The following WASF3 variants were observed in gnomAD, a reference collection of about 807,000 sequenced individuals.
WASF3 encodes the protein WASP family member 3, also known as actin-binding protein WASF3.
Under a neutral mutation model 46.6 loss-of-function variants are expected in WASF3, and 11 were observed. The ratio of observed to expected loss-of-function variants is 0.24; its 90% CI spans 0.15 to 0.39. The LOEUF is 0.39. WASF3 is among the 10% of genes least tolerant of loss of function. The pLI, the probability that WASF3 is intolerant of heterozygous loss-of-function variation, is 1.00. For missense variants in WASF3, 576 were observed against 669.8 expected, an observed-to-expected ratio of 0.86 and a Z score of 1.55; for synonymous variants, 242 against 259.7, an observed-to-expected ratio of 0.93 and a Z score of 0.65.
At chr13:26,545,452 T>A in the WASF3 span, among the ~76,000 whole-genome samples, 4 of 152,226 alleles carry the variant, frequency 2.6e-5, no homozygotes, top group African/African-American at 9.6e-5. Flanking sequence ...TTTATATTTT[T>A]AATTTTGATT....
chr13:26,625,693 C>T (rs991126025), intron 2 of WASF3, among the ~76,000 whole-genome samples: 1 of 152,192 alleles, frequency 6.6e-6, no homozygotes, highest in African/African-American at 2.4e-5. Context: ...AGCACCCTCT[C>T]ACAGACTCAC....
chr13:26,588,198 G>A (rs9553868), intron 1 of WASF3, among the ~76,000 whole-genome samples: 15,288 of 152,176 alleles, frequency 0.1, 1,148 homozygotes, highest in East Asian at 0.32. Flanking sequence ...AGGAAGGTTA[G>A]GAAAAACAAG....
chr13:26,634,238 G>A (rs560457765), intron 2 of WASF3, among the ~76,000 whole-genome samples: 43 of 152,330 alleles, frequency 2.8e-4, no homozygotes, highest in Admixed American at 5.2e-4. Flanking sequence ...TTACCATTAT[G>A]TAATGGCCTT....
In WASF3 at chr13:26,673,171, T is replaced by C. The variant is rs190154087; in HGVS notation, c.540+1182T>C. 7.9e-4 allele frequency among the ~76,000 whole-genome samples: 121 copies of C among 152,350 alleles called. 1 individual carries two copies. Among genetic ancestry groups the C allele is most frequent in the African/African-American group, 2.8e-3 (117 of 41,586 alleles). On this transcript the variant is annotated intron_variant, in intron 6 of 9. Transcript: ENST00000335327. ...GGCTTACCTGCCTTTAAAATGTGCCTGTTTTTTTAAAAGGCCTTCTAGGTT... is the reference window on the plus strand; with the variant it reads ...GGCTTACCTGCCTTTAAAATGTGCCCGTTTTTTTAAAAGGCCTTCTAGGTT...
chr13:26,546,278 G>T, the WASF3 span, among the ~76,000 whole-genome samples: 2 of 152,316 alleles, frequency 1.3e-5, no homozygotes, highest in African/African-American at 4.8e-5. Flanking sequence ...ATAAAAGCAG[G>T]TGTTAATAGT....
intron 1 of WASF3, among the ~76,000 whole-genome samples, chr13:26,573,127 G>A (rs1879689761): frequency 6.6e-6 from 1 of 152,108 alleles, no homozygotes; most frequent in South Asian, 2.1e-4. Flanking sequence ...AGGGTAGTTT[G>A]ATAACTTTTT....
rs142509921 is a variant in WASF3 at position 26,559,792 on chromosome 13, C to CTTTTCT, written c.-109+1976_-109+1977insTCTTTT. ...CTTGAATCTCTTTTTCTTTTCTTTTCTTTCTTTCTTTCTTTCTTTTTTTTT... is the reference window on the plus strand; with the variant it reads ...CTTGAATCTCTTTTTCTTTTCTTTTCTTTTCTTTTCTTTCTTTCTTTCTTTTTTTTT... On this transcript the variant is annotated intron_variant, in intron 1 of 9. Coordinates refer to ENST00000335327, the MANE Select transcript of WASF3 (RefSeq NM_006646.6). Among the ~76,000 whole-genome samples, 414 of 73,922 alleles carry CTTTTCT rather than the reference C, an allele frequency of 5.6e-3. 4 individuals are homozygous for CTTTTCT. The highest frequency in any genetic ancestry group is 0.016 in the East Asian group (35 of 2,202). 48.5% of individuals were successfully genotyped at this position (73,922 alleles called of 152,430 possible).
intron 1 of WASF3, among the ~76,000 whole-genome samples, chr13:26,588,840 C>G (rs898756779): frequency 5.3e-5 from 8 of 152,144 alleles, no homozygotes; most frequent in Non-Finnish European, 8.8e-5. Context: ...CTCTGTCACC[C>G]AGGCTGGAGC....
intron 2 of WASF3, among the ~76,000 whole-genome samples, chr13:26,635,574 GT>G (rs1450217484): frequency 6.6e-6 from 1 of 152,156 alleles, no homozygotes; most frequent in African/African-American, 2.4e-5. Context: ...ACGTGCTCTG[GT>G]TTTTAGAATT....
chr13:26,673,816 C>A (rs550147483), intron 6 of WASF3, among the ~76,000 whole-genome samples: 49 of 152,144 alleles, frequency 3.2e-4, no homozygotes, highest in Admixed American at 8.5e-4. Context: ...AGGACAAGTA[C>A]AGAGCACTCT....
chr13:26,629,516 G>A (rs1200702911), intron 2 of WASF3, among the ~76,000 whole-genome samples: 1 of 152,168 alleles, frequency 6.6e-6, no homozygotes, highest in Non-Finnish European at 1.5e-5. Flanking sequence ...TACTGCTGCA[G>A]CACACACAGT....
At chr13:26,615,996 AGTTT>A (rs145606976) in intron 2 of WASF3, among the ~76,000 whole-genome samples, 7,476 of 152,182 alleles carry the variant, frequency 0.049, 623 homozygotes, top group African/African-American at 0.17. Flanking sequence ...GATGTAATGC[AGTTT>A]GTTTGTCCAT....
intron 1 of WASF3, among the ~76,000 whole-genome samples, chr13:26,559,902 C>T (rs1190618105): frequency 1.4e-5 from 2 of 145,768 alleles, no homozygotes; most frequent in East Asian, 2.1e-4. Flanking sequence ...ACTGCAACCT[C>T]CGCCTCCTGG....
At position 26,682,838 on chromosome 13, in the gene WASF3, A is replaced by G; in HGVS notation, c.1215A>G (p.Pro405=). The G allele has an allele frequency of 6.3e-7, 1 of 1,583,740 alleles. No homozygotes were observed. The highest frequency in any genetic ancestry group is 8.6e-7 in the Non-Finnish European group (1 of 1,168,788). The change falls in exon 9 of 10, where the codon CCA becomes CCG. Residue 405 remains proline, a synonymous_variant. Coordinates refer to ENST00000335327, the MANE Select transcript of WASF3 (RefSeq NM_006646.6). This position sits in a 1 kb window ranked among gnomAD's most constrained non-coding sequence, Gnocchi z 4.4. ...PPPPGPPPPP[P]GPPGPGSSLS... is the part of the protein sequence containing the mutation. Reference sequence around the variant, plus strand: ...CCCCGGGCCCACCACCTCCCCCGCCAGGCCCTCCTGGTCCCGGGTCTTCTC... The same window carrying G: ...CCCCGGGCCCACCACCTCCCCCGCCGGGCCCTCCTGGTCCCGGGTCTTCTC...
At chr13:26,618,268 A>G (rs1881195947) in intron 2 of WASF3, among the ~76,000 whole-genome samples, 1 of 152,222 alleles carries the variant, frequency 6.6e-6, no homozygotes, top group African/African-American at 2.4e-5. Context: ...TATATCCAGT[A>G]TCTTCTAGTT....
chr13:26,564,002 A>G (rs1879381567), intron 1 of WASF3, among the ~76,000 whole-genome samples: 1 of 151,942 alleles, frequency 6.6e-6, no homozygotes, highest in South Asian at 2.1e-4. Context: ...TGATCTAAAG[A>G]TATCTTCTGT....
At position 26,687,618 on chromosome 13, in the gene WASF3, C is replaced by T. The variant is rs1053292483; in HGVS notation, c.*1773C>T. The T allele has an allele frequency of 2.6e-5, 4 of 152,210 alleles. No individual in the cohort carries two copies. The highest frequency in any genetic ancestry group is 1.9e-4 in the East Asian group (1 of 5,180). The allele number at this position is 152,210 out of a possible 1,614,324, so 9.4% of individuals were successfully genotyped here. ...CAGGTGCTGGGAGCGTCCTCTTCAG[C>T]GTCTTTTCCTAGAGCTGGTCACCAC... On this transcript the variant is annotated 3_prime_UTR_variant, in exon 10 of 10. Transcript: ENST00000335327.
At chr13:26,609,917 C>A (rs12860772) in intron 1 of WASF3, among the ~76,000 whole-genome samples, 2,200 of 152,264 alleles carry the variant, frequency 0.014, 28 homozygotes, top group Non-Finnish European at 0.023. Context: ...GAGTACTGTC[C>A]AACCTAGTAG....
At position 26,564,097 on chromosome 13, in the gene WASF3, A is replaced by G. The variant is rs542114623; in HGVS notation, c.-109+6278A>G. Reference sequence around the variant, plus strand: ...CTTAAATACTTAAGTCAGCCCACACATGTTTGTATGCCAACTATGTCTGAG... The same window carrying G: ...CTTAAATACTTAAGTCAGCCCACACGTGTTTGTATGCCAACTATGTCTGAG... On this transcript the variant is annotated intron_variant, in intron 1 of 9. Transcript: ENST00000335327. Among the ~76,000 whole-genome samples, 3 of 152,076 alleles carry G rather than the reference A, an allele frequency of 2.0e-5. No individual in the cohort carries two copies. In the South Asian group the frequency reaches 6.2e-4, roughly 32 times the overall value.
Sources: gnomAD v4.1 joint callset for allele counts (sites outside exome capture counted in the v4.1 genomes callset) on GRCh38, gnomAD v4.1.1 for gene constraint, Gnocchi (gnomAD v3.1) non-coding constraint, MANE v1.5 for transcripts, NCBI Gene and HGNC (gene_info 2026-07-23, HGNC 2026-07-21) for gene names.